CRB1: variants seen among roughly 807,000 people sequenced by gnomAD.
The protein encoded by CRB1 is crumbs cell polarity complex component 1.
CRB1 carries 83 observed loss-of-function variants against 120.0 expected under a neutral mutation model. That is an observed-to-expected ratio of 0.69 (90% confidence interval 0.58 to 0.83). The LOEUF (loss-of-function observed/expected upper bound fraction) is 0.83, where lower values mean the gene tolerates loss of function less well. Among genes scored for constraint, CRB1 ranks in the 40% least tolerant of loss-of-function variants. The probability of loss-of-function intolerance (pLI) is 0.00; values close to 1 mark genes in which losing one functional copy is unlikely to be tolerated. For missense variants in CRB1, 1,699 were observed against 1,687.6 expected, an observed-to-expected ratio of 1.01 and a Z score of -0.12; for synonymous variants, 625 against 612.5, an observed-to-expected ratio of 1.02 and a Z score of -0.30.
At chr1:197,216,208 G>T in the CRB1 span, among the ~76,000 whole-genome samples, 1 of 152,066 alleles carries the variant, frequency 6.6e-6, no homozygotes, top group Non-Finnish European at 1.5e-5. Context: ...TTTTCTCCTT[G>T]AAGAAGTTTG....
At chr1:197,430,478 A>T (rs1664818356) in intron 8 of CRB1, among the ~76,000 whole-genome samples, 1 of 152,176 alleles carries the variant, frequency 6.6e-6, no homozygotes, top group Non-Finnish European at 1.5e-5. Flanking sequence ...TGCCTTAAAG[A>T]ATAGGGAGTA....
At chr1:197,462,083 AAT>A (rs1666556721) in intron 11 of CRB1, among the ~76,000 whole-genome samples, 1 of 152,176 alleles carries the variant, frequency 6.6e-6, no homozygotes, top group Non-Finnish European at 1.5e-5. Context: ...TTATAAATTA[AAT>A]AGTTTGACTT....
chr1:197,420,012 A>AG (rs1664218985), intron 5 of CRB1, among the ~76,000 whole-genome samples: 2 of 150,846 alleles, frequency 1.3e-5, no homozygotes, highest in South Asian at 4.2e-4. Context: ...AACAAAAAAA[A>AG]CTAGTTAATG....
chr1:197,240,516 C>A, the CRB1 span, among the ~76,000 whole-genome samples: 1 of 152,118 alleles, frequency 6.6e-6, no homozygotes, highest in African/African-American at 2.4e-5. Flanking sequence ...TGGTTTCCAG[C>A]TTCATCCATG....
At chr1:197,399,151 T>G (rs2476020) in intron 5 of CRB1, among the ~76,000 whole-genome samples, 50,535 of 151,840 alleles carry the variant, frequency 0.33, 8,811 homozygotes, top group African/African-American at 0.43. Flanking sequence ...TTAGCCCCAT[T>G]CCCTCAAGCC....
In CRB1 at chr1:197,434,900, C is replaced by T. The variant is rs143511261; in HGVS notation, c.3037C>T (p.Gln1013Ter). The T allele has an allele frequency of 1.7e-5, 28 of 1,613,856 alleles. No homozygotes were observed. Among genetic ancestry groups the T allele is most frequent in the Non-Finnish European group, 2.3e-5 (27 of 1,179,856 alleles). Reference sequence around the variant, plus strand: ...AGATTCCAGATTATTCTTTCAATTGCAAAGTGGCAACAGCTTTTATATGCT... The same window carrying T: ...AGATTCCAGATTATTCTTTCAATTGTAAAGTGGCAACAGCTTTTATATGCT... The part of the protein sequence containing the change: ...IQDSRLFFQL[Q>*]SGNSFYMLSL... Residue 1013 changes from glutamine to a stop codon, truncating the protein, a stop_gained, in exon 9 of 12, where the codon CAA becomes TAA. Coordinates refer to ENST00000367400, the MANE Select transcript of CRB1 (RefSeq NM_201253.3). LOFTEE classifies it high-confidence loss of function.
intron 5 of CRB1, among the ~76,000 whole-genome samples, chr1:197,397,347 ACT>A (rs1662823439): frequency 1.3e-5 from 2 of 152,084 alleles, no homozygotes; most frequent in African/African-American, 4.8e-5. Flanking sequence ...ATGTGGAATA[ACT>A]CTGATGCTTT....
intron 2 of CRB1, among the ~76,000 whole-genome samples, chr1:197,332,002 A>G (rs1394851660): frequency 6.6e-6 from 1 of 151,972 alleles, no homozygotes; most frequent in African/African-American, 2.4e-5. Flanking sequence ...GTGAAACCAC[A>G]TCTCTACTAA....
chr1:197,465,326 T>C (rs1666706141), intron 11 of CRB1, among the ~76,000 whole-genome samples: 1 of 152,196 alleles, frequency 6.6e-6, no homozygotes, highest in Non-Finnish European at 1.5e-5. Flanking sequence ...TTTGCTTCTG[T>C]TGTGCTTTTG....
upstream of CRB1, among the ~76,000 whole-genome samples, chr1:197,263,788 A>C (rs540824751): frequency 2.6e-5 from 4 of 152,094 alleles, no homozygotes; most frequent in Non-Finnish European, 5.9e-5. Context: ...ATTCTAAAAA[A>C]AACTTCAGAT....
At chr1:197,356,697 C>T (rs557562112) in intron 4 of CRB1, 134 bp from the exon 5 acceptor site, 30 of 831,748 alleles carry the variant, frequency 3.6e-5, no homozygotes, top group Admixed American at 3.0e-4. Context: ...CCAGATTCCC[C>T]TTACCAGCTC....
chr1:197,277,445 A>T (rs1422482019), intron 1 of CRB1, among the ~76,000 whole-genome samples: 1 of 152,042 alleles, frequency 6.6e-6, no homozygotes, highest in African/African-American at 2.4e-5. Context: ...TTTGCTTTGC[A>T]CAGAGACCAG....
the CRB1 span, among the ~76,000 whole-genome samples, chr1:197,233,433 C>T: frequency 3.9e-5 from 6 of 152,294 alleles, no homozygotes; most frequent in East Asian, 1.2e-3. Context: ...CAGTTCTCTA[C>T]ACTGCACCTG....
In CRB1 at chr1:197,288,362, TC is replaced by T. The variant is rs552595378; in HGVS notation, c.70+19881del. Among the ~76,000 whole-genome samples the T allele has an allele frequency of 2.4e-3, 361 of 151,890 alleles. 6 individuals are homozygous for T. The highest frequency in any genetic ancestry group is 5.5e-4 in the Non-Finnish European group (37 of 67,848). The stretch of plus-strand genomic sequence containing the variant: ...ATATTGCTTCGGTAGTTACAAATAT[TC>T]TCCTCCAGATTCGATACGGTCTTGT... On this transcript the variant is annotated intron_variant, in intron 1 of 11. Coordinates refer to ENST00000367400, the MANE Select transcript of CRB1 (RefSeq NM_201253.3).
the CRB1 span, among the ~76,000 whole-genome samples, chr1:197,207,446 A>C: frequency 6.6e-6 from 1 of 152,158 alleles, no homozygotes; most frequent in South Asian, 2.1e-4. Context: ...TTAGCCTGAA[A>C]AAAGACTGTA....
At chr1:197,237,518 A>AT in the CRB1 span, among the ~76,000 whole-genome samples, 5 of 152,192 alleles carry the variant, frequency 3.3e-5, no homozygotes, top group Non-Finnish European at 7.3e-5. Context: ...GTTTGAATAT[A>AT]TGAATTTTGG....
chr1:197,308,728 A>T (rs570586988), intron 1 of CRB1, among the ~76,000 whole-genome samples: 1 of 151,816 alleles, frequency 6.6e-6, no homozygotes, highest in East Asian at 1.9e-4. Flanking sequence ...TCCTTAATAA[A>T]TATGAACTAT....
At chr1:197,233,353 C>T in the CRB1 span, among the ~76,000 whole-genome samples, 3,310 of 152,114 alleles carry the variant, frequency 0.022, 120 homozygotes, top group African/African-American at 0.075. Context: ...TTTTCTAGAG[C>T]CAATTAAAAA....
chr1:197,342,197 T>C (rs1659505639), intron 2 of CRB1, among the ~76,000 whole-genome samples: 1 of 152,214 alleles, frequency 6.6e-6, no homozygotes, highest in South Asian at 2.1e-4. Context: ...CCTGGCGTCA[T>C]TCAAACCTGC....
Sources: allele counts gnomAD v4.1 joint callset (sites outside exome capture counted in the v4.1 genomes callset), GRCh38; gene constraint gnomAD v4.1.1; transcripts MANE v1.5; gene names NCBI Gene and HGNC (gene_info 2026-07-23, HGNC 2026-07-21).